The following ANKS1B variants were observed in gnomAD, a reference collection of about 807,000 sequenced individuals.
ANKS1B encodes the protein ankyrin repeat and sterile alpha motif domain containing 1B, also known as ankyrin repeat and sterile alpha motif domain-containing protein 1B.
Under a neutral mutation model 148.3 loss-of-function variants are expected in ANKS1B, and 36 were observed. The ratio of observed to expected loss-of-function variants is 0.24; its 90% CI spans 0.19 to 0.32. ANKS1B has a LOEUF of 0.32. Ranked by LOEUF, ANKS1B falls within the 10% of genes least tolerant of loss-of-function variation. The pLI, the probability that ANKS1B is intolerant of heterozygous loss-of-function variation, is 1.00. For missense variants in ANKS1B, 1,157 were observed against 1,542.6 expected (o/e 0.75, Z 4.19); for synonymous variants, 542 against 560.8 (o/e 0.97, Z 0.47).
intron 10 of ANKS1B, among the ~76,000 whole-genome samples, chr12:99,479,609 G>C (rs2096378134): frequency 6.6e-6 from 1 of 151,924 alleles, no homozygotes; most frequent in South Asian, 2.1e-4. Context: ...ATTATGCTAA[G>C]TTAAACAAAC....
intron 14 of ANKS1B, among the ~76,000 whole-genome samples, chr12:99,221,655 A>G (rs1236466795): frequency 6.6e-6 from 1 of 152,210 alleles, no homozygotes; most frequent in Non-Finnish European, 1.5e-5. Flanking sequence ...CCTACCAAAT[A>G]TGTAAGTTCC....
chr12:99,770,893 A>C (rs2063127117), intron 8 of ANKS1B, among the ~76,000 whole-genome samples: 1 of 152,150 alleles, frequency 6.6e-6, no homozygotes, highest in South Asian at 2.1e-4. Context: ...ACTATTGTAA[A>C]GGTTTGTCAC....
intron 17 of ANKS1B, among the ~76,000 whole-genome samples, chr12:98,852,744 C>G (rs2099537295): frequency 6.6e-6 from 1 of 152,118 alleles, no homozygotes; most frequent in Non-Finnish European, 1.5e-5. Flanking sequence ...AAAGCCTGAG[C>G]TTTTTCCCCC....
chr12:99,717,611 A>G (rs1469686466), intron 8 of ANKS1B, among the ~76,000 whole-genome samples: 1 of 152,196 alleles, frequency 6.6e-6, no homozygotes, highest in African/African-American at 2.4e-5. Context: ...CTCTGGCCCA[A>G]GGCTCTCTGA....
At chr12:99,475,552 G>T (rs548246367) in intron 10 of ANKS1B, among the ~76,000 whole-genome samples, 8 of 151,434 alleles carry the variant, frequency 5.3e-5, no homozygotes, top group African/African-American at 1.4e-4. Flanking sequence ...ATATTAAAAG[G>T]GCAATTCCCC....
At chr12:99,271,904 C>T (rs1490064977) in intron 12 of ANKS1B, among the ~76,000 whole-genome samples, 2 of 151,702 alleles carry the variant, frequency 1.3e-5, no homozygotes, top group African/African-American at 4.8e-5. Flanking sequence ...TACCACAGTC[C>T]ATACTTACCA....
At chr12:99,580,589 G>A (rs2097560937) in intron 9 of ANKS1B, among the ~76,000 whole-genome samples, 1 of 152,142 alleles carries the variant, frequency 6.6e-6, no homozygotes, top group South Asian at 2.1e-4. Context: ...CCAGAGGTTG[G>A]GAAGGGTAGC....
intron 17 of ANKS1B, among the ~76,000 whole-genome samples, chr12:98,978,067 A>G (rs918044338): frequency 2.0e-5 from 3 of 152,146 alleles, no homozygotes; most frequent in Non-Finnish European, 4.4e-5. Flanking sequence ...GTCTACATTT[A>G]AAGTAGATTT....
chr12:99,465,634 G>T (rs899631341), intron 10 of ANKS1B, among the ~76,000 whole-genome samples: 24 of 152,094 alleles, frequency 1.6e-4, no homozygotes, highest in Non-Finnish European at 3.1e-4. Context: ...AAAGGAAGGG[G>T]TTGCAATCCT....
At chr12:99,536,161 G>C (rs1004552040) in intron 9 of ANKS1B, among the ~76,000 whole-genome samples, 1 of 152,138 alleles carries the variant, frequency 6.6e-6, no homozygotes, top group African/African-American at 2.4e-5. Flanking sequence ...TAAGATGTTA[G>C]TCAAAATCAA....
chr12:98,788,222 T>C (rs931112548), intron 22 of ANKS1B, among the ~76,000 whole-genome samples: 7 of 141,386 alleles, frequency 5.0e-5, no homozygotes, highest in Non-Finnish European at 1.1e-4. Flanking sequence ...CGGACCAACA[T>C]GGTGAAACCC....
At chr12:99,236,333 T>C (rs555010311) in intron 14 of ANKS1B, among the ~76,000 whole-genome samples, 1 of 152,288 alleles carries the variant, frequency 6.6e-6, no homozygotes, top group East Asian at 1.9e-4. Context: ...GGGTTATTTA[T>C]AAAGAAAAGA....
At chr12:99,676,462 C>A (rs1408126899) in intron 8 of ANKS1B, among the ~76,000 whole-genome samples, 15 of 152,110 alleles carry the variant, frequency 9.9e-5, no homozygotes. Flanking sequence ...TTTAGAATCC[C>A]ATAATACTAA....
intron 12 of ANKS1B, among the ~76,000 whole-genome samples, chr12:99,271,984 A>G (rs1365046236): frequency 2.0e-5 from 3 of 152,098 alleles, no homozygotes; most frequent in Non-Finnish European, 4.4e-5. Flanking sequence ...ACTTTCAGAT[A>G]TCAGATGTTC....
intron 8 of ANKS1B, among the ~76,000 whole-genome samples, chr12:99,702,970 A>G (rs2055113214): frequency 1.3e-5 from 2 of 152,026 alleles, no homozygotes; most frequent in African/African-American, 4.8e-5. Context: ...GACAGGGTCT[A>G]ATTTCATTCT....
intron 8 of ANKS1B, among the ~76,000 whole-genome samples, chr12:99,737,929 T>C (rs951558560): frequency 3.3e-5 from 5 of 152,112 alleles, no homozygotes; most frequent in Non-Finnish European, 7.4e-5. Context: ...CCAACTTCTA[T>C]CCTAAGCCAT....
intron 14 of ANKS1B, among the ~76,000 whole-genome samples, chr12:99,171,023 A>T (rs553790949): frequency 3.3e-5 from 5 of 152,364 alleles, no homozygotes; most frequent in African/African-American, 1.2e-4. Context: ...TGGGGAAAGA[A>T]ACTGTGTATT....
chr12:99,336,914 C>T (rs1325145202), intron 12 of ANKS1B, among the ~76,000 whole-genome samples: 3 of 152,088 alleles, frequency 2.0e-5, no homozygotes, highest in African/African-American at 7.2e-5. Context: ...TTTCTTTTCT[C>T]TTGCTGCTTT....
At chr12:99,827,485 CA>C (rs1271485599) in intron 1 of ANKS1B, among the ~76,000 whole-genome samples, 7 of 152,036 alleles carry the variant, frequency 4.6e-5, no homozygotes, top group Non-Finnish European at 7.4e-5. Context: ...CTACAGGTAC[CA>C]AAATTGCACT....
Sources: allele counts gnomAD v4.1 joint callset (sites outside exome capture counted in the v4.1 genomes callset), GRCh38; gene constraint gnomAD v4.1.1; transcripts MANE v1.5; gene names NCBI Gene and HGNC (gene_info 2026-07-23, HGNC 2026-07-21).